MACROD2: variants seen among roughly 807,000 people sequenced by gnomAD.
The protein encoded by MACROD2 is ADP-ribose glycohydrolase MACROD2.
A neutral mutation model predicts 70.4 loss-of-function variants in MACROD2; 36 were observed. The observed-to-expected ratio is 0.51, with a 90% CI of 0.39 to 0.68. The LOEUF is 0.68. MACROD2 is among the 30% of genes least tolerant of loss of function. MACROD2 has a pLI of 0.00. For synonymous variants in MACROD2, 172 were observed against 178.8 expected (o/e 0.96, Z 0.30); for missense variants, 496 against 538.4 (o/e 0.92, Z 0.78).
At chr20:14,619,390 A>AG in intron 4 of MACROD2, among the ~76,000 whole-genome samples, 1 of 42,344 alleles carries the variant, frequency 2.4e-5, no homozygotes, top group African/African-American at 9.4e-5. Context: ...GAAGGAAGGA[A>AG]GGAGGGGGGA....
At chr20:14,255,628 A>G (rs977545510) in intron 3 of MACROD2, among the ~76,000 whole-genome samples, 1 of 151,990 alleles carries the variant, frequency 6.6e-6, no homozygotes, top group Non-Finnish European at 1.5e-5. Context: ...TGGCACATGT[A>G]TACATATGTA....
chr20:14,685,796 C>T (rs374642235), intron 5 of MACROD2, among the ~76,000 whole-genome samples: 11 of 152,248 alleles, frequency 7.2e-5, no homozygotes, highest in African/African-American at 2.2e-4. Flanking sequence ...CTGTGGAATA[C>T]ATTTTATGTA....
At chr20:15,895,080 T>C (rs2064950377) in intron 10 of MACROD2, among the ~76,000 whole-genome samples, 1 of 152,222 alleles carries the variant, frequency 6.6e-6, no homozygotes, top group South Asian at 2.1e-4. Context: ...CCTGAGCCTG[T>C]TGTCATTTCT....
At chr20:14,995,379 C>G (rs2074940634) in intron 5 of MACROD2, among the ~76,000 whole-genome samples, 1 of 151,718 alleles carries the variant, frequency 6.6e-6, no homozygotes, top group African/African-American at 2.4e-5. Flanking sequence ...AGAAGTAAGT[C>G]TAAATAGCCA....
At chr20:15,856,478 ACTTAAAGGAAAGTCCT>A (rs1174673324) in intron 8 of MACROD2, among the ~76,000 whole-genome samples, 2 of 152,184 alleles carry the variant, frequency 1.3e-5, no homozygotes, top group East Asian at 3.8e-4. Context: ...CTTCTGGCAA[ACTTAAAGGAAAGTCCT>A]CCGAAATATC....
intron 15 of MACROD2, among the ~76,000 whole-genome samples, chr20:16,003,646 A>G (rs558904625): frequency 6.6e-6 from 1 of 152,242 alleles, no homozygotes; most frequent in African/African-American, 2.4e-5. Context: ...CTGGTTTAGT[A>G]GATCTGGAGA....
intron 1 of MACROD2, among the ~76,000 whole-genome samples, chr20:14,001,818 C>T (rs899250816): frequency 6.6e-6 from 1 of 152,120 alleles, no homozygotes; most frequent in African/African-American, 2.4e-5. Context: ...AAGTGCCACA[C>T]ACTTTCAAAC....
intron 3 of MACROD2, among the ~76,000 whole-genome samples, chr20:14,464,801 T>C (rs1312818788): frequency 1.3e-5 from 2 of 152,260 alleles, no homozygotes; most frequent in South Asian, 2.1e-4. Flanking sequence ...TACCCAGTAG[T>C]CATTCAGGAG....
intron 6 of MACROD2, among the ~76,000 whole-genome samples, chr20:15,297,594 A>C (rs547177770): frequency 6.6e-6 from 1 of 152,218 alleles, no homozygotes; most frequent in East Asian, 1.9e-4. Flanking sequence ...CATTCTCTCT[A>C]TTCATTCTCC....
chr20:15,929,813 CTTATT>C (rs1043900888), intron 10 of MACROD2, among the ~76,000 whole-genome samples: 6 of 152,258 alleles, frequency 3.9e-5, no homozygotes, highest in Admixed American at 2.0e-4. Context: ...GCAGGAGCCT[CTTATT>C]TTATTTCTAT....
chr20:14,223,531 G>A (rs1329051634), intron 3 of MACROD2, among the ~76,000 whole-genome samples: 5 of 148,422 alleles, frequency 3.4e-5, no homozygotes, highest in Non-Finnish European at 6.0e-5. Context: ...TTTTTGAGAC[G>A]GAGTCTCACC....
intron 4 of MACROD2, among the ~76,000 whole-genome samples, chr20:14,653,914 G>A (rs953923055): frequency 2.0e-5 from 3 of 152,038 alleles, no homozygotes; most frequent in African/African-American, 7.2e-5. Flanking sequence ...ATGTCCAGTC[G>A]CCCATAGAAG....
intron 5 of MACROD2, among the ~76,000 whole-genome samples, chr20:15,125,567 T>TTATA (rs2076060408): frequency 1.3e-5 from 2 of 152,104 alleles, no homozygotes; most frequent in Non-Finnish European, 2.9e-5. Context: ...AGGGGTTATA[T>TTATA]TAGCAATGTT....
At chr20:14,559,871 A>G (rs1979308744) in intron 4 of MACROD2, among the ~76,000 whole-genome samples, 1 of 151,778 alleles carries the variant, frequency 6.6e-6, no homozygotes, top group Non-Finnish European at 1.5e-5. Context: ...GGAGACTGTA[A>G]TGGCTGCTAC....
In MACROD2 at chr20:13,995,833, G is replaced by A. The variant is rs2052630744; in HGVS notation, c.46+24G>A. 1 of 1,560,604 alleles carries A rather than the reference G, an allele frequency of 6.4e-7. No homozygotes were observed. Among genetic ancestry groups the A allele is most frequent in the Non-Finnish European group, 8.7e-7 (1 of 1,151,898 alleles). On this transcript the variant is annotated intron_variant, in intron 1 of 17. Coordinates refer to ENST00000684519, the MANE Select transcript of MACROD2 (RefSeq NM_001351661.2). The surrounding 1 kb of genome is among the most constrained non-coding windows in gnomAD (Gnocchi z 4.3). Reference sequence around the variant, plus strand: ...AGGTAACCGGCCCGTCGAGTCCTGGGGGTGCGGGCGGTGGGGGTTAGGGTG... The same window carrying A: ...AGGTAACCGGCCCGTCGAGTCCTGGAGGTGCGGGCGGTGGGGGTTAGGGTG...
chr20:15,642,818 CCTCT>C (rs1211037398), intron 8 of MACROD2, among the ~76,000 whole-genome samples: 4 of 152,056 alleles, frequency 2.6e-5, no homozygotes, highest in African/African-American at 7.2e-5. Flanking sequence ...CCTTCACGTT[CCTCT>C]CTGAGCACAC....
At chr20:16,023,278 G>A (rs190160868) in intron 15 of MACROD2, among the ~76,000 whole-genome samples, 10 of 151,558 alleles carry the variant, frequency 6.6e-5, no homozygotes, top group South Asian at 2.1e-4. Flanking sequence ...GATCGAGACT[G>A]TCCTGGCTAA....
intron 5 of MACROD2, among the ~76,000 whole-genome samples, chr20:15,189,708 G>T (rs2076557580): frequency 6.6e-6 from 1 of 152,154 alleles, no homozygotes; most frequent in South Asian, 2.1e-4. Context: ...TGGTGTTCAA[G>T]AAATAACTTA....
intron 5 of MACROD2, among the ~76,000 whole-genome samples, chr20:14,722,670 A>C (rs1434738889): frequency 6.6e-6 from 1 of 152,220 alleles, no homozygotes; most frequent in Non-Finnish European, 1.5e-5. Context: ...GTATCTTCTC[A>C]TCAATCCTAA....
Sources: allele counts gnomAD v4.1 joint callset (sites outside exome capture counted in the v4.1 genomes callset), GRCh38; gene constraint gnomAD v4.1.1; non-coding constraint Gnocchi (gnomAD v3.1); transcripts MANE v1.5; gene names NCBI Gene and HGNC (gene_info 2026-07-23, HGNC 2026-07-21).